Variants in CCDC73 observed in about 807,000 individuals in gnomAD.
CCDC73 encodes the protein coiled-coil domain containing 73.
A neutral mutation model predicts 116.5 loss-of-function variants in CCDC73; 95 were observed. The observed-to-expected ratio is 0.82, with a 90% CI of 0.69 to 0.97. The LOEUF is 0.97. Among genes scored for constraint, CCDC73 ranks in the 50% least tolerant of loss-of-function variants. The pLI is 0.00. For synonymous variants in CCDC73, 398 were observed against 401.3 expected (o/e 0.99, Z 0.10); for missense variants, 1,066 against 1,206.8 (o/e 0.88, Z 1.73).
At chr11:32,808,366 C>T in the CCDC73 span, among the ~76,000 whole-genome samples, 4 of 152,180 alleles carry the variant, frequency 2.6e-5, no homozygotes, top group African/African-American at 4.8e-5. Context: ...GGGCTGGGCG[C>T]GGTGGCTCAC....
In CCDC73 at chr11:32,660,411, A is replaced by G. The variant is rs117081347; in HGVS notation, c.646-5439T>C. On this transcript the variant is annotated intron_variant, in intron 9 of 17. Transcript: ENST00000335185. ...CTTCAACCACAAAGGCTCTACCTTT[A>G]TTTGCTTCAATATTGAGCTTCTACA... Among the ~76,000 whole-genome samples the G allele has an allele frequency of 5.1e-4, 78 of 152,062 alleles. 1 individual carries two copies. The East Asian group carries it at 0.014, about 27-fold the overall frequency.
chr11:32,679,118 T>C (rs1297217863), intron 7 of CCDC73, among the ~76,000 whole-genome samples: 2 of 152,134 alleles, frequency 1.3e-5, no homozygotes, highest in Non-Finnish European at 2.9e-5. Context: ...ACTTATTTAA[T>C]TGTGCAGCAG....
chr11:32,821,894 C>T, the CCDC73 span, among the ~76,000 whole-genome samples: 1 of 152,138 alleles, frequency 6.6e-6, no homozygotes, highest in Non-Finnish European at 1.5e-5. Flanking sequence ...GGCTAGTTAA[C>T]ATATTAAAGT....
intron 2 of CCDC73, among the ~76,000 whole-genome samples, chr11:32,734,464 T>C (rs1194385457): frequency 6.6e-6 from 1 of 151,600 alleles, no homozygotes; most frequent in South Asian, 2.1e-4. Context: ...CTTGGGTGTT[T>C]CTTGCACAGG....
chr11:32,718,015 CG>C, intron 3 of CCDC73, 60 bp downstream of exon 3: 1 of 1,182,524 alleles, frequency 8.5e-7, no homozygotes. Flanking sequence ...GTGGGGGTTA[CG>C]GGGATTACAA....
At chr11:32,737,235 G>GTGTA (rs1453008335) in intron 2 of CCDC73, among the ~76,000 whole-genome samples, 1 of 60,556 alleles carries the variant, frequency 1.7e-5, no homozygotes, top group Non-Finnish European at 3.1e-5. Flanking sequence ...GTAGGGCTGT[G>GTGTA]TGTGTGTGTG....
intron 6 of CCDC73, among the ~76,000 whole-genome samples, chr11:32,684,742 G>T (rs968703729): frequency 3.9e-5 from 6 of 152,266 alleles, no homozygotes; most frequent in African/African-American, 1.4e-4. Flanking sequence ...CAGCACTTTA[G>T]GAGGCTGAGG....
At chr11:32,761,778 CAGAG>C (rs752428350) in intron 1 of CCDC73, among the ~76,000 whole-genome samples, 2 of 151,786 alleles carry the variant, frequency 1.3e-5, no homozygotes, top group East Asian at 1.9e-4. Context: ...CACACACACG[CAGAG>C]AGAGAGAGAT....
At chr11:32,666,155 A>G (rs1246102721) in intron 9 of CCDC73, among the ~76,000 whole-genome samples, 1 of 152,062 alleles carries the variant, frequency 6.6e-6, no homozygotes, top group East Asian at 1.9e-4. Flanking sequence ...TGCTCTTCTC[A>G]AAGAGTATCT....
rs1267582721 is a variant in CCDC73, at chr11:32,659,447, GCAAAACTCTATCC to G, written c.646-4488_646-4476del. ...CACTGAAACAAAGACTTTGAGAAAA[GCAAAACTCTATCC>G]CAAAACTCTATCCTTACAGAGTTTT... is the stretch of plus-strand genomic sequence containing the variant. On this transcript the variant is annotated intron_variant, in intron 9 of 17. Transcript: ENST00000335185. Among the ~76,000 whole-genome samples the G allele has an allele frequency of 1.0e-3, 152 of 152,236 alleles. 1 individual carries two copies. The highest frequency in any genetic ancestry group is 3.1e-3 in the African/African-American group (130 of 41,550).
rs193258066 is a variant in CCDC73, at chr11:32,662,406, G to A, written c.646-7434C>T. On this transcript the variant is annotated intron_variant, in intron 9 of 17. Coordinates refer to ENST00000335185, the MANE Select transcript of CCDC73 (RefSeq NM_001008391.4). ...CTGGTGTGAGATGGTATCTCATTGTGGTTTTGATTTGCATTTCTCTGATGG... is the reference window on the plus strand; with the variant it reads ...CTGGTGTGAGATGGTATCTCATTGTAGTTTTGATTTGCATTTCTCTGATGG... 7.1e-3 allele frequency among the ~76,000 whole-genome samples: 1,088 copies of A among 152,278 alleles called. 16 individuals are homozygous for A. Among genetic ancestry groups the A allele is most frequent in the African/African-American group, 0.025 (1,049 of 41,558 alleles).
chr11:32,751,169 G>A (rs942895143), intron 2 of CCDC73, among the ~76,000 whole-genome samples: 2 of 152,148 alleles, frequency 1.3e-5, no homozygotes, highest in African/African-American at 4.8e-5. Flanking sequence ...TCCTACTGTG[G>A]CAAAGCTGGT....
At chr11:32,787,384 T>C (rs1042348420) in intron 1 of CCDC73, among the ~76,000 whole-genome samples, 22 of 152,174 alleles carry the variant, frequency 1.4e-4, no homozygotes, top group Non-Finnish European at 2.6e-4. Flanking sequence ...TTTCACATAA[T>C]AACAACCAGT....
intron 3 of CCDC73, among the ~76,000 whole-genome samples, chr11:32,707,394 T>C (rs1283051059): frequency 1.3e-5 from 2 of 152,082 alleles, no homozygotes; most frequent in Non-Finnish European, 2.9e-5. Context: ...TTTTTTTTTT[T>C]TTTTAACCAC....
intron 1 of CCDC73, among the ~76,000 whole-genome samples, chr11:32,793,249 TTGTAAAGA>T (rs1271144292): frequency 4.6e-5 from 7 of 151,968 alleles, no homozygotes; most frequent in Non-Finnish European, 1.0e-4. Flanking sequence ...CCAGGGAGAG[TTGTAAAGA>T]CTCAAATTGG....
rs567363312 is a variant in CCDC73 at position 32,678,660 on chromosome 11, C to T, written c.430-2639G>A. ...CAGCACTTTGGGAGGCCAAGGTGGA[C>T]GGATCACAAGGTCAGGAGTTCGAGA... On this transcript the variant is annotated intron_variant, in intron 7 of 17. Coordinates refer to ENST00000335185, the MANE Select transcript of CCDC73 (RefSeq NM_001008391.4). Among the ~76,000 whole-genome samples the T allele has an allele frequency of 1.4e-4, 21 of 151,928 alleles. No homozygotes were observed. The East Asian group carries it at 3.9e-3, about 28-fold the overall frequency.
chr11:32,643,029 TTC>T (rs1374060520), intron 12 of CCDC73, among the ~76,000 whole-genome samples: 2 of 151,730 alleles, frequency 1.3e-5, no homozygotes, highest in Non-Finnish European at 1.5e-5. Flanking sequence ...TCATACACTG[TTC>T]TGTCATCTGC....
intron 14 of CCDC73, among the ~76,000 whole-genome samples, chr11:32,626,441 AC>A (rs1249470935): frequency 1.6e-4 from 24 of 152,180 alleles, no homozygotes; most frequent in African/African-American, 5.3e-4. Context: ...CCATCAAGCT[AC>A]CAATGACTTT....
At chr11:32,745,406 G>C (rs1850227240) in intron 2 of CCDC73, among the ~76,000 whole-genome samples, 1 of 152,196 alleles carries the variant, frequency 6.6e-6, no homozygotes, top group Non-Finnish European at 1.5e-5. Context: ...GAGTTCTGTA[G>C]ATATCTATTA....
Sources: allele counts gnomAD v4.1 joint callset (sites outside exome capture counted in the v4.1 genomes callset), GRCh38; gene constraint gnomAD v4.1.1; transcripts MANE v1.5; gene names NCBI Gene and HGNC (gene_info 2026-07-23, HGNC 2026-07-21).